The following SPAG17 variants were observed in gnomAD, a reference collection of about 807,000 sequenced individuals.
SPAG17 encodes sperm associated antigen 17.
Under a neutral mutation model 273.6 loss-of-function variants are expected in SPAG17, and 169 were observed. The ratio of observed to expected loss-of-function variants is 0.62; its 90% CI spans 0.55 to 0.70. The LOEUF (loss-of-function observed/expected upper bound fraction) is 0.70. SPAG17 is among the 30% of genes least tolerant of loss of function. SPAG17 has a pLI of 0.00. For missense variants in SPAG17, 2,557 were observed against 2,627.8 expected (o/e 0.97, Z 0.59); for synonymous variants, 825 against 873.2 (o/e 0.94, Z 0.97).
At position 117,964,101 on chromosome 1, in the gene SPAG17, A is replaced by C. The variant is rs1198768039; in HGVS notation, c.6533-163T>G. 4 of 675,484 alleles carry C rather than the reference A, an allele frequency of 5.9e-6. No individual in the cohort carries two copies. In the Admixed American group the frequency reaches 1.1e-4, roughly 19 times the overall value. 41.8% of individuals were successfully genotyped at this position (675,484 alleles called of 1,614,324 possible). A position where few individuals can be genotyped will look rare whatever the true frequency, so the allele number is the denominator to read the frequency against. ...TTCTGCATGCTCAGGCTTGGGGGTTAGAGGATGGATATGCCAATGTCTAGA... is the reference window on the plus strand; with the variant it reads ...TTCTGCATGCTCAGGCTTGGGGGTTCGAGGATGGATATGCCAATGTCTAGA... On this transcript the variant is annotated intron_variant, in intron 47 of 48. Coordinates refer to ENST00000336338, the MANE Select transcript of SPAG17 (RefSeq NM_206996.4).
intron 3 of SPAG17, among the ~76,000 whole-genome samples, chr1:118,124,988 G>A (rs1315521701): frequency 6.6e-6 from 1 of 152,074 alleles, no homozygotes. Flanking sequence ...CCCCATCTTA[G>A]CTGCAAGAGC....
intron 3 of SPAG17, among the ~76,000 whole-genome samples, chr1:118,139,435 T>C (rs1009547735): frequency 2.0e-5 from 3 of 152,202 alleles, no homozygotes; most frequent in Non-Finnish European, 4.4e-5. Flanking sequence ...ATAGAATTAC[T>C]ATATGATCCA....
intron 31 of SPAG17, among the ~76,000 whole-genome samples, chr1:118,007,693 G>A (rs1659038211): frequency 6.6e-6 from 1 of 152,120 alleles, no homozygotes; most frequent in South Asian, 2.1e-4. Context: ...GGGTCGAGGC[G>A]GCAGGAGGTG....
intron 30 of SPAG17, 63 bp from the exon 31 acceptor site, chr1:118,008,261 C>T (rs1038004809): frequency 4.5e-6 from 7 of 1,570,384 alleles, no homozygotes; most frequent in Non-Finnish European, 5.2e-6. Flanking sequence ...CAGACCTCAG[C>T]CTATTGATTT....
chr1:118,018,549 T>C (rs546390427), intron 28 of SPAG17, among the ~76,000 whole-genome samples: 84 of 152,170 alleles, frequency 5.5e-4, no homozygotes, highest in Non-Finnish European at 1.0e-3. Context: ...AAATGCACTA[T>C]TGGCCAGGCA....
rs1200971320 is a variant in SPAG17, at chr1:118,054,017, T to G, written c.2799A>C (p.Leu933Phe). The G allele has an allele frequency of 3.1e-6, 5 of 1,607,992 alleles. No homozygotes were observed. The highest frequency in any genetic ancestry group is 4.2e-6 in the Non-Finnish European group (5 of 1,176,696). Residue 933 changes from leucine (L) to phenylalanine (F), a missense_variant, in exon 20 of 49, where the codon TTA (leucine) becomes TTC (phenylalanine). Coordinates refer to ENST00000336338, the MANE Select transcript of SPAG17 (RefSeq NM_206996.4). ...EKEKEKIPFI[L>F]EGSLKAWKEE... Reference sequence around the variant, plus strand: ...GCTGGATTACCTTGAGAGAGCCTTCTAAAATGAAAGGAATCTTTTCCTTCT... The same window carrying G: ...GCTGGATTACCTTGAGAGAGCCTTCGAAAATGAAAGGAATCTTTTCCTTCT...
At chr1:118,167,828 G>A (rs1397217946) in intron 1 of SPAG17, among the ~76,000 whole-genome samples, 2 of 152,088 alleles carry the variant, frequency 1.3e-5, no homozygotes, top group Non-Finnish European at 2.9e-5. Context: ...GGGTCATGGG[G>A]GTGGATTTTT....
Position 118,036,853 on chromosome 1 carries a change from CT to C in SPAG17, c.3349del (p.Ser1117AlafsTer10). 1.3e-6 allele frequency: 2 copies of C among 1,559,376 alleles called. No homozygotes were observed. The highest frequency in any genetic ancestry group is 1.7e-6 in the Non-Finnish European group (2 of 1,150,158). The stretch of plus-strand genomic sequence containing the variant: ...GGTGGCAGAAAAAGATCCAAACTTG[CT>C]GAAAGCTTTATTCTTTGCATCTGAT... ...EVSDAKNKAF[S>X]KFGSFSATLE... is the part of the protein sequence containing the mutation. On this transcript the variant is annotated frameshift_variant, in exon 24 of 49. Transcript: ENST00000336338. LOFTEE classifies it high-confidence loss of function.
At chr1:118,014,412 T>C (rs1317987245) in intron 29 of SPAG17, among the ~76,000 whole-genome samples, 3 of 152,134 alleles carry the variant, frequency 2.0e-5, no homozygotes, top group African/African-American at 7.2e-5. Context: ...TAATCAAACT[T>C]GCATATTAAG....
intron 8 of SPAG17, 31 bp downstream of exon 8, chr1:118,093,125 A>T: frequency 6.3e-7 from 1 of 1,579,608 alleles, no homozygotes; most frequent in Non-Finnish European, 8.6e-7. Flanking sequence ...TGAATCATTC[A>T]TCCCACTAAA....
chr1:118,015,978 G>A lies in SPAG17; in HGVS notation c.4274C>T (p.Pro1425Leu), dbSNP rs764956607. 1.2e-5 allele frequency: 20 copies of A among 1,613,882 alleles called. No individual in the cohort carries two copies. Among genetic ancestry groups the A allele is most frequent in the Non-Finnish European group, 1.2e-5 (14 of 1,179,852 alleles). The change falls in exon 29 of 49, where the codon CCT becomes CTT. Residue 1425 changes from proline to leucine, a missense_variant. Coordinates refer to ENST00000336338, the MANE Select transcript of SPAG17 (RefSeq NM_206996.4). ...AGTTTGTCATACCGTTCCATTGACA[G>A]GATCTGTGGCCTGAAAGGATAACAA... ...TPLLSFQATD[P>L]VNGTVMTTRE...
At chr1:118,027,657 A>T (rs1017604372) in intron 26 of SPAG17, among the ~76,000 whole-genome samples, 1 of 152,216 alleles carries the variant, frequency 6.6e-6, no homozygotes, top group Non-Finnish European at 1.5e-5. Flanking sequence ...ATATATTCAA[A>T]TTCAGTAACA....
At position 118,096,960 on chromosome 1, in the gene SPAG17, C is replaced by G. The variant is rs113831757; in HGVS notation, c.1011+710G>C. 3.3e-3 allele frequency among the ~76,000 whole-genome samples: 509 copies of G among 152,284 alleles called. 5 individuals carry two copies. The highest frequency in any genetic ancestry group is 9.9e-3 in the Admixed American group (152 of 15,296). On this transcript the variant is annotated intron_variant, in intron 7 of 48. Transcript: ENST00000336338. Reference sequence around the variant, plus strand: ...TTAAAAATAAGATTTTGGGGCCAGGCATGGTGGCTCACGCCTGTAATCCTA... The same window carrying G: ...TTAAAAATAAGATTTTGGGGCCAGGGATGGTGGCTCACGCCTGTAATCCTA...
At chr1:118,132,984 G>A (rs1412340641) in intron 3 of SPAG17, among the ~76,000 whole-genome samples, 1 of 152,040 alleles carries the variant, frequency 6.6e-6, no homozygotes, top group Admixed American at 6.6e-5. Context: ...TGTTGGCCAG[G>A]ATGGTCTCGA....
intron 10 of SPAG17, 194 bp from the exon 11 acceptor site, chr1:118,087,202 T>C (rs1162392988): frequency 4.8e-6 from 2 of 418,644 alleles, no homozygotes; most frequent in Non-Finnish European, 8.3e-6. Context: ...ATCCATGCAT[T>C]AAGGTAGATA....
chr1:118,057,322 G>A (rs1255214144), intron 18 of SPAG17, among the ~76,000 whole-genome samples: 1 of 152,048 alleles, frequency 6.6e-6, no homozygotes, highest in Non-Finnish European at 1.5e-5. Flanking sequence ...TTCTGCAATA[G>A]CCTCCAACTG....
chr1:117,993,663 A>G (rs758902984), intron 35 of SPAG17, among the ~76,000 whole-genome samples: 6 of 152,220 alleles, frequency 3.9e-5, no homozygotes, highest in Non-Finnish European at 8.8e-5. Context: ...TTAGTGTAGG[A>G]CAGCAAAAAT....
intron 3 of SPAG17, among the ~76,000 whole-genome samples, chr1:118,130,086 G>A (rs1215125592): frequency 6.6e-6 from 1 of 151,962 alleles, no homozygotes; most frequent in African/African-American, 2.4e-5. Flanking sequence ...CTTATAAAAG[G>A]GCTTATTCCT....
intron 48 of SPAG17, chr1:117,955,309 TTA>T: frequency 1.2e-6 from 2 of 1,610,768 alleles, no homozygotes; most frequent in Non-Finnish European, 1.7e-6. Flanking sequence ...AATCCTTCCT[TTA>T]TAGCCTTCAG....
Sources: gnomAD v4.1 joint callset for allele counts (sites outside exome capture counted in the v4.1 genomes callset) on GRCh38, gnomAD v4.1.1 for gene constraint, MANE v1.5 for transcripts, NCBI Gene and HGNC (gene_info 2026-07-23, HGNC 2026-07-21) for gene names.